The following TSPAN9 variants were observed in gnomAD, a reference collection of about 807,000 sequenced individuals.
TSPAN9 encodes the protein tetraspanin-9.
In TSPAN9, 16 loss-of-function variants were observed where a neutral mutation model predicts 31.0. That is an observed-to-expected ratio of 0.52 (90% CI 0.35 to 0.78). The LOEUF is 0.78. TSPAN9 is among the 30% of genes least tolerant of loss of function. The pLI is 0.01. For synonymous variants in TSPAN9, 145 were observed against 121.6 expected (o/e 1.19, Z -1.27); for missense variants, 272 against 312.5 (o/e 0.87, Z 0.98).
At chr12:3,242,752 C>G (rs1000485822) in intron 3 of TSPAN9, among the ~76,000 whole-genome samples, 10 of 152,224 alleles carry the variant, frequency 6.6e-5, no homozygotes, top group African/African-American at 1.7e-4. Flanking sequence ...TATTGTGGAG[C>G]CTTGGACGCA....
chr12:3,250,524 G>T (rs1349056867), intron 3 of TSPAN9, among the ~76,000 whole-genome samples: 1 of 152,162 alleles, frequency 6.6e-6, no homozygotes, highest in Admixed American at 6.5e-5. Flanking sequence ...CAGAAGAGTG[G>T]GGTGCCCTGA....
At chr12:3,105,831 C>CG (rs1565577424) in intron 2 of TSPAN9, among the ~76,000 whole-genome samples, 1 of 144,736 alleles carries the variant, frequency 6.9e-6, no homozygotes, top group African/African-American at 2.5e-5. Flanking sequence ...CGCACACACA[C>CG]TTTCATACAC....
intron 2 of TSPAN9, among the ~76,000 whole-genome samples, chr12:3,174,818 G>A (rs558625199): frequency 0.017 from 2,577 of 151,464 alleles, 43 homozygotes; most frequent in African/African-American, 0.042. Context: ...TCCTGACCTC[G>A]TGATCCTCCC....
At chr12:3,144,515 A>G (rs1209567391) in intron 2 of TSPAN9, among the ~76,000 whole-genome samples, 18 of 152,204 alleles carry the variant, frequency 1.2e-4, no homozygotes, top group Non-Finnish European at 2.5e-4. Flanking sequence ...CAGAAGCTAG[A>G]AAGAGGCCAG....
chr12:3,185,387 A>G (rs563404531), intron 2 of TSPAN9, among the ~76,000 whole-genome samples: 1 of 152,102 alleles, frequency 6.6e-6, no homozygotes, highest in South Asian at 2.1e-4. Flanking sequence ...TGGGGCTAGG[A>G]GTCATTTTGC....
At chr12:3,094,484 A>G (rs374694862) in intron 2 of TSPAN9, among the ~76,000 whole-genome samples, 2 of 151,692 alleles carry the variant, frequency 1.3e-5, no homozygotes, top group East Asian at 3.9e-4. Flanking sequence ...CTAAGGGAAT[A>G]TCTGTTTTTT....
intron 6 of TSPAN9, 34 bp from the exon 7 acceptor site, chr12:3,281,164 A>T: frequency 1.9e-6 from 3 of 1,549,932 alleles, no homozygotes; most frequent in Non-Finnish European, 2.6e-6. Context: ...GGGCCATGGC[A>T]TGTCTGACTG....
intron 2 of TSPAN9, among the ~76,000 whole-genome samples, chr12:3,123,652 C>T (rs1435273082): frequency 6.7e-5 from 10 of 150,096 alleles, no homozygotes; most frequent in Admixed American, 2.7e-4. Context: ...AAAATTATTA[C>T]TTATTGAGTA....
chr12:3,152,668 C>T (rs1267859030), intron 2 of TSPAN9, among the ~76,000 whole-genome samples: 1 of 152,006 alleles, frequency 6.6e-6, no homozygotes, highest in African/African-American at 2.4e-5. Flanking sequence ...TCACTGCAAC[C>T]TCCGCCTCCC....
chr12:3,238,864 G>A (rs1486357305), intron 3 of TSPAN9, among the ~76,000 whole-genome samples: 3 of 151,962 alleles, frequency 2.0e-5, no homozygotes, highest in African/African-American at 2.4e-5. Context: ...TGGTGGGGCC[G>A]CCCTTTGTGT....
chr12:3,250,980 C>T (rs1032289360), intron 3 of TSPAN9, among the ~76,000 whole-genome samples: 1 of 152,234 alleles, frequency 6.6e-6, no homozygotes, highest in Non-Finnish European at 1.5e-5. Flanking sequence ...TCTGCCTCCT[C>T]CCGCTTCTGC....
At chr12:3,164,721 G>T (rs977104044) in intron 2 of TSPAN9, among the ~76,000 whole-genome samples, 3 of 152,130 alleles carry the variant, frequency 2.0e-5, no homozygotes, top group Admixed American at 2.0e-4. Context: ...TCACAGCACT[G>T]TTAACTCTGC....
intron 3 of TSPAN9, among the ~76,000 whole-genome samples, chr12:3,226,416 C>A (rs994238953): frequency 6.6e-6 from 1 of 151,900 alleles, no homozygotes; most frequent in African/African-American, 2.4e-5. Flanking sequence ...AGGGCTTACT[C>A]CTGAATCCTC....
chr12:3,150,761 T>C (rs905349220), intron 2 of TSPAN9, among the ~76,000 whole-genome samples: 1 of 152,086 alleles, frequency 6.6e-6, no homozygotes, highest in Non-Finnish European at 1.5e-5. Context: ...CTGCAGGAGA[T>C]CGAATGCTGC....
intron 2 of TSPAN9, chr12:3,200,861 T>C: frequency 8.6e-6 from 2 of 233,440 alleles, no homozygotes; most frequent in Non-Finnish European, 8.2e-6. Context: ...GGGCGCCCCC[T>C]CCGTCCCATT....
At chr12:3,130,082 T>A (rs1186088278) in intron 2 of TSPAN9, among the ~76,000 whole-genome samples, 1 of 152,250 alleles carries the variant, frequency 6.6e-6, no homozygotes, top group African/African-American at 2.4e-5. Flanking sequence ...ACCGCCTCTT[T>A]GGCCCTCTCC....
chr12:3,084,834 G>A (rs957234531), intron 2 of TSPAN9, among the ~76,000 whole-genome samples: 6 of 152,238 alleles, frequency 3.9e-5, no homozygotes, highest in African/African-American at 9.6e-5. Context: ...ACCCTGCAGC[G>A]CCTGCCTTTT....
chr12:3,203,107 C>T (rs185181697), intron 3 of TSPAN9, among the ~76,000 whole-genome samples: 3 of 152,288 alleles, frequency 2.0e-5, no homozygotes, highest in Admixed American at 1.3e-4. Context: ...AAGACAGACC[C>T]TGGGGCTTGT....
At chr12:3,282,214 T>C (rs1862908825) in intron 8 of TSPAN9, 1 of 577,540 alleles carries the variant, frequency 1.7e-6, no homozygotes, top group Admixed American at 3.0e-5. Context: ...CACACCGGGC[T>C]TCCTTCTGCC....
Sources: gnomAD v4.1 joint callset for allele counts (sites outside exome capture counted in the v4.1 genomes callset) on GRCh38, gnomAD v4.1.1 for gene constraint, MANE v1.5 for transcripts, NCBI Gene and HGNC (gene_info 2026-07-23, HGNC 2026-07-21) for gene names.